The following TMEM132C variants were observed in gnomAD, a reference collection of about 807,000 sequenced individuals.
The protein encoded by TMEM132C is transmembrane protein 132C, also known as protein phosphatase 1, regulatory subunit 152.
In TMEM132C, 29 loss-of-function variants were observed where a neutral mutation model predicts 61.4. That is an observed-to-expected ratio of 0.47 (90% confidence interval 0.35 to 0.64). The LOEUF is 0.64. Ranked by LOEUF, TMEM132C falls within the 30% of genes least tolerant of loss-of-function variation. The pLI, the probability that TMEM132C is intolerant of heterozygous loss-of-function variation, is 0.00. For synonymous variants in TMEM132C, 656 were observed against 633.1 expected (o/e 1.04, Z -0.54); for missense variants, 1,408 against 1,476.9 (o/e 0.95, Z 0.76).
intron 3 of TMEM132C, among the ~76,000 whole-genome samples, chr12:128,598,482 G>A (rs1471657593): frequency 2.0e-5 from 3 of 151,758 alleles, no homozygotes; most frequent in Non-Finnish European, 4.4e-5. Context: ...CAGCTCCCCA[G>A]CCCCCCTTCC....
In TMEM132C at chr12:128,460,188, G is replaced by A. The variant is rs191759824; in HGVS notation, c.974+44568G>A. Among the ~76,000 whole-genome samples the A allele has an allele frequency of 1.6e-4, 24 of 152,258 alleles. 1 individual carries two copies. The highest frequency in any genetic ancestry group is 7.2e-4 in the Admixed American group (11 of 15,310). On this transcript the variant is annotated intron_variant, in intron 2 of 8. Coordinates refer to ENST00000435159, the MANE Select transcript of TMEM132C (RefSeq NM_001136103.3). ...ACCCAAATCAAGCTGGCTTAGGGGA[G>A]AAGAAGGGGGAAATAGTGGGTCATC...
At chr12:128,652,452 C>G (rs1025008284) in intron 4 of TMEM132C, among the ~76,000 whole-genome samples, 1 of 152,250 alleles carries the variant, frequency 6.6e-6, no homozygotes, top group African/African-American at 2.4e-5. Flanking sequence ...ATGAGGGTCA[C>G]TCATTAAGAT....
intron 1 of TMEM132C, among the ~76,000 whole-genome samples, chr12:128,340,817 T>TTCTC (rs1565905981): frequency 8.7e-5 from 13 of 149,534 alleles, no homozygotes; most frequent in African/African-American, 2.8e-4. Flanking sequence ...CTTTCTCTCT[T>TTCTC]TCTTTCTGTC....
chr12:128,418,906 TA>T (rs1365121790), intron 2 of TMEM132C, among the ~76,000 whole-genome samples: 1 of 152,218 alleles, frequency 6.6e-6, no homozygotes, highest in Non-Finnish European at 1.5e-5. Context: ...TTTTTTATTT[TA>T]TTTTTTTTAA....
chr12:128,533,498 G>C (rs745744914), intron 2 of TMEM132C, among the ~76,000 whole-genome samples: 2 of 152,114 alleles, frequency 1.3e-5, no homozygotes, highest in Non-Finnish European at 2.9e-5. Flanking sequence ...CAGGGTGTTG[G>C]CAGGGTTGAT....
intron 1 of TMEM132C, among the ~76,000 whole-genome samples, chr12:128,322,024 C>G (rs1872351600): frequency 6.6e-6 from 1 of 152,220 alleles, no homozygotes; most frequent in Non-Finnish European, 1.5e-5. Flanking sequence ...GACCCACACA[C>G]TCTCCCAGAA....
At chr12:128,677,740 G>A (rs1954603836) in intron 5 of TMEM132C, among the ~76,000 whole-genome samples, 1 of 152,214 alleles carries the variant, frequency 6.6e-6, no homozygotes, top group Non-Finnish European at 1.5e-5. Context: ...ACAGGGTGGG[G>A]ATGCTGAGAT....
chr12:128,310,146 A>G (rs1021567093), intron 1 of TMEM132C, among the ~76,000 whole-genome samples: 1 of 152,182 alleles, frequency 6.6e-6, no homozygotes, highest in African/African-American at 2.4e-5. Flanking sequence ...CCCTTTGACT[A>G]TTGTGAATAA....
chr12:128,646,460 A>G (rs188539281), intron 4 of TMEM132C, among the ~76,000 whole-genome samples: 19 of 146,838 alleles, frequency 1.3e-4, no homozygotes, highest in African/African-American at 4.4e-4. Context: ...GTTGGATGTG[A>G]GTGTGTTTAC....
At chr12:128,670,584 G>A (rs4073430) in intron 5 of TMEM132C, among the ~76,000 whole-genome samples, 32,700 of 152,000 alleles carry the variant, frequency 0.22, 3,837 homozygotes, top group South Asian at 0.35. Flanking sequence ...GTTCGTCCAC[G>A]TTCTAACAAA....
At chr12:128,286,164 C>G (rs1488904435) in intron 1 of TMEM132C, among the ~76,000 whole-genome samples, 1 of 152,082 alleles carries the variant, frequency 6.6e-6, no homozygotes, top group African/African-American at 2.4e-5. Context: ...AGGCTTCATT[C>G]TCTCATTTGG....
chr12:128,609,410 G>A (rs1156465375), intron 3 of TMEM132C, among the ~76,000 whole-genome samples: 1 of 151,250 alleles, frequency 6.6e-6, no homozygotes, highest in Non-Finnish European at 1.5e-5. Flanking sequence ...CTAATTTTTA[G>A]TTTTTGTTTT....
At chr12:128,436,579 A>T (rs1235261819) in intron 2 of TMEM132C, among the ~76,000 whole-genome samples, 1 of 152,240 alleles carries the variant, frequency 6.6e-6, no homozygotes, top group Non-Finnish European at 1.5e-5. Flanking sequence ...AGAAATGCAA[A>T]TCAAAAACAC....
chr12:128,419,967 C>T (rs1036048413), intron 2 of TMEM132C, among the ~76,000 whole-genome samples: 2 of 151,894 alleles, frequency 1.3e-5, no homozygotes, highest in African/African-American at 4.8e-5. Context: ...CCGAGGTGGG[C>T]AGATCGCCTG....
chr12:128,331,699 A>C (rs1012431937), intron 1 of TMEM132C, among the ~76,000 whole-genome samples: 3 of 152,194 alleles, frequency 2.0e-5, no homozygotes, highest in Admixed American at 6.5e-5. Flanking sequence ...TTGAATCCTA[A>C]GTTGCTGTTG....
At chr12:128,349,390 C>A (rs900975923) in intron 1 of TMEM132C, among the ~76,000 whole-genome samples, 1 of 152,126 alleles carries the variant, frequency 6.6e-6, no homozygotes, top group African/African-American at 2.4e-5. Context: ...CATGAGTGGC[C>A]CTTGGCATGC....
chr12:128,388,746 C>T (rs930652030), intron 1 of TMEM132C, among the ~76,000 whole-genome samples: 1 of 152,222 alleles, frequency 6.6e-6, no homozygotes, highest in African/African-American at 2.4e-5. Flanking sequence ...GTGCAGCTGA[C>T]GCCGGCTGGC....
intron 1 of TMEM132C, among the ~76,000 whole-genome samples, chr12:128,299,201 C>T (rs1261855131): frequency 6.6e-6 from 1 of 152,206 alleles, no homozygotes; most frequent in Admixed American, 6.5e-5. Flanking sequence ...AGATATTGGT[C>T]ATGAGACTCA....
intron 5 of TMEM132C, among the ~76,000 whole-genome samples, chr12:128,692,272 A>G (rs1394822240): frequency 1.3e-5 from 2 of 152,172 alleles, no homozygotes; most frequent in Admixed American, 1.3e-4. Context: ...TCATCTGTCT[A>G]TCCATCTATC....
Sources: gnomAD v4.1 joint callset for allele counts (sites outside exome capture counted in the v4.1 genomes callset) on GRCh38, gnomAD v4.1.1 for gene constraint, MANE v1.5 for transcripts, NCBI Gene and HGNC (gene_info 2026-07-23, HGNC 2026-07-21) for gene names.